Variants in AGPAT4 observed in about 807,000 individuals in gnomAD.
The protein encoded by AGPAT4 is 1-acylglycerol-3-phosphate O-acyltransferase 4.
AGPAT4 carries 15 observed loss-of-function variants against 48.0 expected under a neutral mutation model. That is an observed-to-expected ratio of 0.31 (90% CI 0.21 to 0.48). The LOEUF is 0.48. Among genes scored for constraint, AGPAT4 ranks in the 20% least tolerant of loss-of-function variants. AGPAT4 has a pLI of 0.99. For missense variants in AGPAT4, 314 were observed against 482.5 expected (o/e 0.65, Z 3.27); for synonymous variants, 178 against 198.7 (o/e 0.90, Z 0.88).
In AGPAT4 at chr6:161,232,322, G is replaced by A; in HGVS notation, c.-89-20C>T. 1 of 1,096,074 alleles carries A rather than the reference G, an allele frequency of 9.1e-7. No homozygotes were observed. The highest frequency in any genetic ancestry group is 1.9e-5 in the South Asian group (1 of 52,870). The allele number at this position is 1,096,074 out of a possible 1,614,324, so 67.9% of individuals were successfully genotyped here. A position where few individuals can be genotyped will look rare whatever the true frequency, so the allele number is the denominator to read the frequency against. On this transcript the variant is annotated intron_variant, in intron 1 of 8. Coordinates refer to ENST00000320285, the MANE Select transcript of AGPAT4 (RefSeq NM_020133.3). This position sits in a 1 kb window ranked among gnomAD's most constrained non-coding sequence, Gnocchi z 6.8. ...AGGCGTCTAAAACACAAACAAATAG[G>A]AAATGTTAGCAAAAACACGATGTGC...
rs115923077 is a variant in AGPAT4 at position 161,166,355 on chromosome 6, C to T, written c.241G>A (p.Ala81Thr). The T allele has an allele frequency of 1.3e-4, 203 of 1,614,054 alleles. 1 individual carries two copies. The East Asian group carries it at 2.7e-3, about 21-fold the overall frequency. Residue 81 changes from alanine to threonine, a missense_variant, in exon 3 of 9, where the codon GCC (alanine) becomes ACC (threonine). By Grantham distance (58) the Ala-to-Thr change is moderately conservative. Transcript: ENST00000320285. The surrounding 1 kb of genome is among the most constrained non-coding windows in gnomAD (Gnocchi z 6.7). ...TECTIFTDPR[A>T]YLKYGKENAI... is the part of the protein sequence containing the mutation. The stretch of plus-strand genomic sequence containing the variant: ...TTTTCCTTCCCATACTTGAGGTAGG[C>T]GCGCGGGTCCGTGAAGATGGTGCAT...
rs1324688563 is a variant in AGPAT4, at chr6:161,245,731, G to T, written c.-89-13429C>A. Among the ~76,000 whole-genome samples, 1 of 152,138 alleles carries T rather than the reference G, an allele frequency of 6.6e-6. No individual in the cohort carries two copies. Among genetic ancestry groups the T allele is most frequent in the African/African-American group, 2.4e-5 (1 of 41,428 alleles). The stretch of plus-strand genomic sequence containing the variant: ...TGCCCTCAATCCTTGAGTTCTTGGA[G>T]ATCCTGTCATTGCCAATCCTAGTTT... On this transcript the variant is annotated intron_variant, in intron 1 of 8. Transcript: ENST00000320285. The surrounding 1 kb of genome is among the most constrained non-coding windows in gnomAD (Gnocchi z 5.2).
At chr6:161,213,241 C>A (rs572491017) in intron 2 of AGPAT4, among the ~76,000 whole-genome samples, 78 of 152,268 alleles carry the variant, frequency 5.1e-4, no homozygotes, top group African/African-American at 1.8e-3. Flanking sequence ...CCATCAAAGC[C>A]AATTTAAAAG....
intron 2 of AGPAT4, among the ~76,000 whole-genome samples, chr6:161,187,046 A>G (rs1190981901): frequency 1.3e-5 from 2 of 152,242 alleles, no homozygotes; most frequent in African/African-American, 4.8e-5. Flanking sequence ...TTTACTAATA[A>G]CATCGGCATA....
chr6:161,146,461 C>T lies in AGPAT4; in HGVS notation c.843+63G>A, dbSNP rs367746530. On this transcript the variant is annotated intron_variant, in intron 7 of 8. Coordinates refer to ENST00000320285, the MANE Select transcript of AGPAT4 (RefSeq NM_020133.3). The surrounding 1 kb of genome is among the most constrained non-coding windows in gnomAD (Gnocchi z 7.1). The stretch of plus-strand genomic sequence containing the variant: ...CGGAGAAAGGCCTGCTACCACACAA[C>T]ACAGCCACACGGCGCACCCACAGCT... 12 of 1,544,468 alleles carry T rather than the reference C, an allele frequency of 7.8e-6. No individual in the cohort carries two copies. The highest frequency in any genetic ancestry group is 1.1e-5 in the Non-Finnish European group (12 of 1,123,162).
rs183772229 is a variant in AGPAT4, at chr6:161,223,365, T to G, written c.178+8671A>C. Among the ~76,000 whole-genome samples, 30 of 152,316 alleles carry G rather than the reference T, an allele frequency of 2.0e-4. No individual in the cohort carries two copies. The East Asian group carries it at 5.6e-3, about 28-fold the overall frequency. On this transcript the variant is annotated intron_variant, in intron 2 of 8. Coordinates refer to ENST00000320285, the MANE Select transcript of AGPAT4 (RefSeq NM_020133.3). This position sits in a 1 kb window ranked among gnomAD's most constrained non-coding sequence, Gnocchi z 6.3. ...ATCCTTGGGTGTTAAAATAAAAACTTGCATAGCATTTGACATTTGCTTATT... is the reference window on the plus strand; with the variant it reads ...ATCCTTGGGTGTTAAAATAAAAACTGGCATAGCATTTGACATTTGCTTATT...
Position 161,219,868 on chromosome 6 carries a change from TAGATAGGCAGGCAGGC to T in AGPAT4, c.178+12152_178+12167del, listed in dbSNP as rs1294254272. On this transcript the variant is annotated intron_variant, in intron 2 of 8. Transcript: ENST00000320285. The surrounding 1 kb of genome is among the most constrained non-coding windows in gnomAD (Gnocchi z 4.9). ...ATAGATAGATAGATAGATAGATAGATAGATAGGCAGGCAGGCAGGCAGGCAGGCAGGCAGGCAGGCA... is the reference window on the plus strand; with the variant it reads ...ATAGATAGATAGATAGATAGATAGATAGGCAGGCAGGCAGGCAGGCAGGCA... 4.2e-4 allele frequency among the ~76,000 whole-genome samples: 46 copies of T among 109,812 alleles called. No homozygotes were observed. Among genetic ancestry groups the T allele is most frequent in the Non-Finnish European group, 5.9e-4 (31 of 52,338 alleles). The allele number at this position is 109,812 out of a possible 152,430, so 72.0% of individuals were successfully genotyped here.
At chr6:161,230,856 C>T (rs1389383978) in intron 2 of AGPAT4, among the ~76,000 whole-genome samples, 2 of 152,182 alleles carry the variant, frequency 1.3e-5, no homozygotes, top group Non-Finnish European at 2.9e-5. Context: ...AGCTCTTGCA[C>T]TCAAACTATA....
intron 1 of AGPAT4, among the ~76,000 whole-genome samples, chr6:161,273,718 G>C (rs1299874248): frequency 6.6e-6 from 1 of 151,734 alleles, no homozygotes; most frequent in African/African-American, 2.4e-5. Context: ...CAAAGCGAGG[G>C]TCCTTTTGTA....
Position 161,180,004 on chromosome 6 carries a change from T to C in AGPAT4, c.179-13587A>G, listed in dbSNP as rs7775897. ...AAGACAGGAAAGAAATTAAGAAGCA[T>C]GCCCTGAATCCACTTCTAGGCAGCC... is the stretch of plus-strand genomic sequence containing the variant. On this transcript the variant is annotated intron_variant, in intron 2 of 8. Coordinates refer to ENST00000320285, the MANE Select transcript of AGPAT4 (RefSeq NM_020133.3). The surrounding 1 kb of genome is among the most constrained non-coding windows in gnomAD (Gnocchi z 6.4). Among the ~76,000 whole-genome samples the C allele has an allele frequency of 0.32, 48,989 of 151,994 alleles. 9,556 individuals carry two copies. Among genetic ancestry groups the C allele is most frequent in the African/African-American group, 0.55 (22,734 of 41,392 alleles).
rs1031947660 is a variant in AGPAT4 at position 161,243,211 on chromosome 6, G to A, written c.-89-10909C>T. Among the ~76,000 whole-genome samples, 2 of 152,184 alleles carry A rather than the reference G, an allele frequency of 1.3e-5. No homozygotes were observed. Among genetic ancestry groups the A allele is most frequent in the Admixed American group, 6.5e-5 (1 of 15,280 alleles). On this transcript the variant is annotated intron_variant, in intron 1 of 8. Transcript: ENST00000320285. The surrounding 1 kb of genome is among the most constrained non-coding windows in gnomAD (Gnocchi z 4.8). ...CTCAATACTAAGCCTGTGAGGGCTG[G>A]AACGACATGGGAGCTGGGGACAGTG...
Position 161,217,544 on chromosome 6 carries a change from G to A in AGPAT4, c.178+14492C>T, listed in dbSNP as rs930511133. Reference sequence around the variant, plus strand: ...GGTAATCCAGTATGAAGGCATTGGCGTTATGCCTGCATTTTCTCTCACTAA... The same window carrying A: ...GGTAATCCAGTATGAAGGCATTGGCATTATGCCTGCATTTTCTCTCACTAA... On this transcript the variant is annotated intron_variant, in intron 2 of 8. Transcript: ENST00000320285. The surrounding 1 kb of genome is among the most constrained non-coding windows in gnomAD (Gnocchi z 4.9). 2.6e-5 allele frequency among the ~76,000 whole-genome samples: 4 copies of A among 152,144 alleles called. No individual in the cohort carries two copies. Among genetic ancestry groups the A allele is most frequent in the Non-Finnish European group, 5.9e-5 (4 of 68,032 alleles).
rs1371351174 is a variant in AGPAT4 at position 161,139,646 on chromosome 6, A to G, written c.844-26T>C. 1 of 1,572,098 alleles carries G rather than the reference A, an allele frequency of 6.4e-7. No homozygotes were observed. The highest frequency in any genetic ancestry group is 2.3e-5 in the East Asian group (1 of 44,122). ...CTGGGGGACAGGAAAGAGGACCCTC[A>G]GACGCCACACGGGGCTCGGTGGCAG... On this transcript the variant is annotated intron_variant, in intron 7 of 8. Coordinates refer to ENST00000320285, the MANE Select transcript of AGPAT4 (RefSeq NM_020133.3). This position sits in a 1 kb window ranked among gnomAD's most constrained non-coding sequence, Gnocchi z 9.1.
chr6:161,172,089 T>C (rs1394479175), intron 2 of AGPAT4, among the ~76,000 whole-genome samples: 1 of 152,036 alleles, frequency 6.6e-6, no homozygotes, highest in Non-Finnish European at 1.5e-5. Context: ...GGTAGTTAAT[T>C]GAAAAATAGT....
At chr6:161,153,094 C>G (rs1390182906) in intron 5 of AGPAT4, among the ~76,000 whole-genome samples, 2 of 152,156 alleles carry the variant, frequency 1.3e-5, no homozygotes, top group Non-Finnish European at 2.9e-5. Flanking sequence ...CACATTTGCA[C>G]AGCAGAGGGC....
rs1346490495 is a variant in AGPAT4, at chr6:161,240,218, GTA to G, written c.-89-7918_-89-7917del. ...AAACACTAACAGCAGATATCTTTGTGTATACACACACACACACACACACACAC... is the reference window on the plus strand; with the variant it reads ...AAACACTAACAGCAGATATCTTTGTGTACACACACACACACACACACACAC... On this transcript the variant is annotated intron_variant, in intron 1 of 8. Transcript: ENST00000320285. This position sits in a 1 kb window ranked among gnomAD's most constrained non-coding sequence, Gnocchi z 5.5. Among the ~76,000 whole-genome samples, 143 of 128,898 alleles carry G rather than the reference GTA, an allele frequency of 1.1e-3. No individual in the cohort carries two copies. Among genetic ancestry groups the G allele is most frequent in the Admixed American group, 3.0e-3 (35 of 11,558 alleles). 84.6% of individuals were successfully genotyped at this position (128,898 alleles called of 152,430 possible).
At position 161,161,022 on chromosome 6, in the gene AGPAT4, G is replaced by A. The variant is rs1046795638; in HGVS notation, c.348+5226C>T. ...TCAGAGGGCCCTAAGCACAGAGCAC[G>A]AAAGGGGGACAGTTCATGGGATGAT... On this transcript the variant is annotated intron_variant, in intron 3 of 8. Coordinates refer to ENST00000320285, the MANE Select transcript of AGPAT4 (RefSeq NM_020133.3). The surrounding 1 kb of genome is among the most constrained non-coding windows in gnomAD (Gnocchi z 4.6). 1.0e-4 allele frequency: 44 copies of A among 426,040 alleles called. No homozygotes were observed. The highest frequency in any genetic ancestry group is 1.9e-4 in the Non-Finnish European group (41 of 213,648). The allele number at this position is 426,040 out of a possible 1,614,324, so 26.4% of individuals were successfully genotyped here. A position where few individuals can be genotyped will look rare whatever the true frequency, so the allele number is the denominator to read the frequency against.
Position 161,259,155 on chromosome 6 carries a change from T to C in AGPAT4, c.-90+14783A>G, listed in dbSNP as rs1288242063. Among the ~76,000 whole-genome samples the C allele has an allele frequency of 6.6e-6, 1 of 152,206 alleles. No individual in the cohort carries two copies. The highest frequency in any genetic ancestry group is 1.5e-5 in the Non-Finnish European group (1 of 68,046). On this transcript the variant is annotated intron_variant, in intron 1 of 8. Transcript: ENST00000320285. The surrounding 1 kb of genome is among the most constrained non-coding windows in gnomAD (Gnocchi z 4.9). ...TACATATTTATGGTGTACAACATAA[T>C]GTTATGATATACGTTTACACCGTGA...
chr6:161,260,655 C>CAAAAA (rs377444402), intron 1 of AGPAT4, among the ~76,000 whole-genome samples: 8 of 45,670 alleles, frequency 1.8e-4, no homozygotes, highest in Admixed American at 3.5e-4. Flanking sequence ...GACTACGTCT[C>CAAAAA]AAAAAAAAAA....
Sources: allele counts gnomAD v4.1 joint callset (sites outside exome capture counted in the v4.1 genomes callset), GRCh38; gene constraint gnomAD v4.1.1; non-coding constraint Gnocchi (gnomAD v3.1); transcripts MANE v1.5; gene names NCBI Gene and HGNC (gene_info 2026-07-23, HGNC 2026-07-21).